CELF1: variants seen among roughly 807,000 people sequenced by gnomAD.
The protein encoded by CELF1 is CUGBP Elav-like family member 1.
A neutral mutation model predicts 61.8 loss-of-function variants in CELF1; 10 were observed. That is an observed-to-expected ratio of 0.16 (90% confidence interval 0.10 to 0.27). The LOEUF (loss-of-function observed/expected upper bound fraction) is 0.27. CELF1 is among the 10% of genes least tolerant of loss of function. The pLI is 1.00. For synonymous variants in CELF1, 236 were observed against 225.1 expected (o/e 1.05, Z -0.43); for missense variants, 380 against 639.1 (o/e 0.59, Z 4.37).
At chr11:47,479,738 A>C (rs1454674707) in intron 9 of CELF1, among the ~76,000 whole-genome samples, 1 of 152,200 alleles carries the variant, frequency 6.6e-6, no homozygotes, top group Non-Finnish European at 1.5e-5. Context: ...TTTTGCTCCA[A>C]CTAAACCCAA....
At chr11:47,489,628 C>T (rs996681780) in intron 3 of CELF1, among the ~76,000 whole-genome samples, 5 of 152,162 alleles carry the variant, frequency 3.3e-5, no homozygotes, top group African/African-American at 1.2e-4. Context: ...CTTATATTTC[C>T]AGATGATTGT....
chr11:47,560,943 C>A (rs2097222891), intron 2 of CELF1, among the ~76,000 whole-genome samples: 1 of 151,934 alleles, frequency 6.6e-6, no homozygotes, highest in Non-Finnish European at 1.5e-5. Context: ...TCGAGACCAT[C>A]CTGGCTAATA....
chr11:47,508,103 GGTCT>G (rs1356247306), intron 1 of CELF1, among the ~76,000 whole-genome samples: 3 of 152,138 alleles, frequency 2.0e-5, no homozygotes, highest in Non-Finnish European at 4.4e-5. Flanking sequence ...CTTCTTGGTA[GGTCT>G]GTCTCTCTAG....
intron 8 of CELF1, among the ~76,000 whole-genome samples, chr11:47,483,093 C>T (rs965447120): frequency 7.1e-6 from 1 of 140,114 alleles, no homozygotes; most frequent in Non-Finnish European, 1.6e-5. Context: ...AAAACGGTCG[C>T]TATTAAAAAA....
In CELF1 at chr11:47,546,811, T is replaced by C. The variant is rs192469622; in HGVS notation, c.-154+6181A>G. On this transcript the variant is annotated intron_variant, in intron 1 of 14. Coordinates refer to ENST00000687097, the MANE Select transcript of CELF1 (RefSeq NM_001376376.1). ...CAGGCACAGTGGCTCACACCTGTAA[T>C]TGCAGAACTTTGGGAGGCTGAGGTG... Among the ~76,000 whole-genome samples the C allele has an allele frequency of 2.6e-5, 4 of 152,158 alleles. No homozygotes were observed. The East Asian group carries it at 7.7e-4, about 29-fold the overall frequency.
At chr11:47,536,562 G>A (rs1373296029) in intron 1 of CELF1, among the ~76,000 whole-genome samples, 1 of 152,052 alleles carries the variant, frequency 6.6e-6, no homozygotes, top group African/African-American at 2.4e-5. Flanking sequence ...TGGAGTTGGA[G>A]GTCAGCCTAG....
chr11:47,486,026 T>G (rs2086724898), intron 6 of CELF1, among the ~76,000 whole-genome samples: 1 of 136,332 alleles, frequency 7.3e-6, no homozygotes, highest in African/African-American at 2.7e-5. Flanking sequence ...CCGGGCGTGG[T>G]GGCAGGCACC....
intron 2 of CELF1, among the ~76,000 whole-genome samples, chr11:47,561,630 A>G (rs533090076): frequency 1.3e-5 from 2 of 152,272 alleles, no homozygotes; most frequent in South Asian, 2.1e-4. Context: ...TCAAAAGGTT[A>G]AACACTGTAC....
chr11:47,517,008 T>C (rs2095591662), intron 1 of CELF1, among the ~76,000 whole-genome samples: 1 of 152,054 alleles, frequency 6.6e-6, no homozygotes, highest in South Asian at 2.1e-4. Context: ...ACTTATAATC[T>C]CAGCACTTTG....
intron 1 of CELF1, among the ~76,000 whole-genome samples, chr11:47,517,266 A>G (rs2095611542): frequency 6.6e-6 from 1 of 151,796 alleles, no homozygotes; most frequent in African/African-American, 2.4e-5. Context: ...CAGAGAAAAA[A>G]AAAAAAAAAA....
intron 3 of CELF1, among the ~76,000 whole-genome samples, chr11:47,496,458 A>AT (rs1200536456): frequency 6.6e-6 from 1 of 152,226 alleles, no homozygotes; most frequent in Non-Finnish European, 1.5e-5. Flanking sequence ...AGACTGAGCA[A>AT]TATGTGCCCT....
At chr11:47,525,973 G>A (rs995972281) in intron 1 of CELF1, among the ~76,000 whole-genome samples, 1 of 151,266 alleles carries the variant, frequency 6.6e-6, no homozygotes, top group Non-Finnish European at 1.5e-5. Context: ...AAAGAGAGAA[G>A]AGAGACTGAG....
chr11:47,488,674 T>C (rs557606678), intron 4 of CELF1, among the ~76,000 whole-genome samples, 163 bp downstream of exon 4: 9 of 152,240 alleles, frequency 5.9e-5, no homozygotes, highest in East Asian at 3.9e-4. Flanking sequence ...TTTTTTCCAA[T>C]AGACAGACAG....
intron 1 of CELF1, among the ~76,000 whole-genome samples, chr11:47,525,052 G>A (rs1472066810): frequency 3.3e-5 from 5 of 152,162 alleles, no homozygotes. Context: ...CAGTAGTGGT[G>A]AGGCTCAATT....
At chr11:47,486,629 G>A (rs962943792) in intron 6 of CELF1, 121 bp downstream of exon 6, 41 of 754,828 alleles carry the variant, frequency 5.4e-5, no homozygotes, top group Non-Finnish European at 8.3e-5. Context: ...AGACTGGCTC[G>A]AACTCCGGCC....
intron 10 of CELF1, among the ~76,000 whole-genome samples, chr11:47,478,653 G>A (rs2081323042): frequency 6.6e-6 from 1 of 152,206 alleles, no homozygotes. Context: ...TGACCTAAAA[G>A]GTTAGGAGGC....
At chr11:47,525,042 CAGT>C (rs1378891392) in intron 1 of CELF1, among the ~76,000 whole-genome samples, 2 of 152,114 alleles carry the variant, frequency 1.3e-5, no homozygotes, top group Non-Finnish European at 2.9e-5. Flanking sequence ...CCCAGATCAG[CAGT>C]AGTGGTGAGG....
chr11:47,522,285 G>T (rs2095956323), intron 1 of CELF1, among the ~76,000 whole-genome samples: 1 of 151,828 alleles, frequency 6.6e-6, no homozygotes, highest in African/African-American at 2.4e-5. Context: ...CAGCACTTTG[G>T]GAGGCCAAGG....
At chr11:47,538,591 C>T (rs868021960) in intron 1 of CELF1, among the ~76,000 whole-genome samples, 4 of 143,844 alleles carry the variant, frequency 2.8e-5, no homozygotes, top group Middle Eastern at 3.7e-3. Flanking sequence ...TGCAGTGAGC[C>T]GAGATCGCGC....
Sources: allele counts gnomAD v4.1 joint callset (sites outside exome capture counted in the v4.1 genomes callset), GRCh38; gene constraint gnomAD v4.1.1; transcripts MANE v1.5; gene names NCBI Gene and HGNC (gene_info 2026-07-23, HGNC 2026-07-21).